Variants in ADAMTS13 observed in about 807,000 individuals in gnomAD.
ADAMTS13 encodes ADAM metallopeptidase with thrombospondin type 1 motif 13.
Under a neutral mutation model 155.1 loss-of-function variants are expected in ADAMTS13, and 110 were observed. That is an observed-to-expected ratio of 0.71 (90% CI 0.61 to 0.83). The LOEUF (loss-of-function observed/expected upper bound fraction) is 0.83. Among genes scored for constraint, ADAMTS13 ranks in the 40% least tolerant of loss-of-function variants. The pLI is 0.00. For synonymous variants in ADAMTS13, 758 were observed against 756.4 expected (o/e 1.00, Z -0.03); for missense variants, 1,707 against 1,891.7 (o/e 0.90, Z 1.81).
chr9:133,429,965 A>G lies in ADAMTS13; in HGVS notation c.851A>G (p.Asp284Gly), dbSNP rs995701451. 12 of 1,539,328 alleles carry G rather than the reference A, an allele frequency of 7.8e-6. No homozygotes were observed. The highest frequency in any genetic ancestry group is 1.2e-5 in the South Asian group (1 of 84,856). ...GCAGGACGGGCGCGCTGCGTGTGGG[A>G]CCCGCCGCGGCCTCAACCCGGGTCC... ...LSAGRARCVWDPPRPQPGSAG... is the reference protein window; with the variant it reads ...LSAGRARCVWGPPRPQPGSAG... Residue 284 changes from aspartate (D) to glycine (G), a missense_variant, in exon 8 of 29, where the codon GAC (aspartate) becomes GGC (glycine). Physicochemically the swap from Asp to Gly is moderately conservative, Grantham distance 94 (BLOSUM62 -1). This residue lies in a region of ADAMTS13 where 733 missense variants were observed against 749.6 expected (regional missense o/e 0.98). Coordinates refer to ENST00000355699, the MANE Select transcript of ADAMTS13 (RefSeq NM_139027.6).
chr9:133,437,942 C>T, intron 13 of ADAMTS13, 45 bp downstream of exon 13: 1 of 1,611,434 alleles, frequency 6.2e-7, no homozygotes, highest in Non-Finnish European at 8.5e-7. Context: ...GCCTACCTGT[C>T]CTATCGGAAG....
chr9:133,448,669 C>T lies in ADAMTS13; in HGVS notation c.2802C>T (p.Gly934=), dbSNP rs939829217. The change falls in exon 22 of 29, where the codon GGC becomes GGT. Residue 934 remains glycine, a synonymous_variant. Transcript: ENST00000355699. ...TGCCTGTCCAGGAAGAGCTGTGTGG[C>T]CTGGCAAGCAAGCCTGGGAGCCGGC... is the stretch of plus-strand genomic sequence containing the variant. ...LRVPVQEELC[G]LASKPGSRRE... The T allele has an allele frequency of 3.7e-6, 6 of 1,607,878 alleles. No individual in the cohort carries two copies. Among genetic ancestry groups the T allele is most frequent in the African/African-American group, 1.3e-5 (1 of 74,906 alleles).
At position 133,439,416 on chromosome 9, in the gene ADAMTS13, G is replaced by A; in HGVS notation, c.1756G>A (p.Ala586Thr). 1.2e-6 allele frequency: 2 copies of A among 1,614,050 alleles called. No individual in the cohort carries two copies. Among genetic ancestry groups the A allele is most frequent in the Non-Finnish European group, 1.7e-6 (2 of 1,179,932 alleles). ...VTPNLTSVYI[A>T]NHRPLFTHLA... ...CCCCAACCTGACCAGTGTCTACATT[G>A]CCAACCACAGGCCTCTCTTCACACA... Residue 586 changes from alanine to threonine, a missense_variant, in exon 15 of 29, where the codon GCC becomes ACC. Physicochemically the swap from Ala to Thr is moderately conservative, Grantham distance 58 (BLOSUM62 0). This residue lies in a region of ADAMTS13 where 961 missense variants were observed against 1,107.9 expected (regional missense o/e 0.87). Coordinates refer to ENST00000355699, the MANE Select transcript of ADAMTS13 (RefSeq NM_139027.6).
At chr9:133,429,722 C>A in intron 7 of ADAMTS13, 2 of 719,958 alleles carry the variant, frequency 2.8e-6, no homozygotes, top group Non-Finnish European at 5.0e-6. Context: ...GTCGCCGCTC[C>A]CTCTGCTGGC....
At chr9:133,455,747 C>T in intron 25 of ADAMTS13, 6 of 1,169,266 alleles carry the variant, frequency 5.1e-6, no homozygotes, top group Admixed American at 2.0e-5. Flanking sequence ...CCTCTTTCTC[C>T]CTGGCAAAGC....
Position 133,425,482 on chromosome 9 carries a change from G to A in ADAMTS13, c.331-47G>A. ...TGGGAGTCAGCAGCTGCCTGGGGCT[G>A]GCAATGCCCACCCGACGGGTTACCT... On this transcript the variant is annotated intron_variant, in intron 3 of 28. Coordinates refer to ENST00000355699, the MANE Select transcript of ADAMTS13 (RefSeq NM_139027.6). The surrounding 1 kb of genome is among the most constrained non-coding windows in gnomAD (Gnocchi z 4.6). The A allele has an allele frequency of 6.4e-7, 1 of 1,563,244 alleles. No individual in the cohort carries two copies. Among genetic ancestry groups the A allele is most frequent in the South Asian group, 1.2e-5 (1 of 86,600 alleles).
At chr9:133,418,576 T>C (rs1554782284), upstream of ADAMTS13, among the ~76,000 whole-genome samples, 1 of 152,218 alleles carries the variant, frequency 6.6e-6, no homozygotes, top group Admixed American at 6.5e-5. Flanking sequence ...CCGAGCTCTC[T>C]GAGTGAGCAA....
intron 8 of ADAMTS13, among the ~76,000 whole-genome samples, chr9:133,430,686 T>C (rs1049159758): frequency 1.4e-5 from 2 of 141,186 alleles, no homozygotes; most frequent in East Asian, 4.0e-4. Context: ...ACAAGTCTTT[T>C]TTTTTCCTAT....
At chr9:133,417,605 C>T (rs1279536981), upstream of ADAMTS13, 2 of 1,611,298 alleles carry the variant, frequency 1.2e-6, no homozygotes, top group Admixed American at 1.7e-5. Flanking sequence ...CCGCCCGGGC[C>T]CCCTCAAGCC....
At chr9:133,417,914 C>G (rs1839772778), upstream of ADAMTS13, 1 of 1,458,962 alleles carries the variant, frequency 6.9e-7, no homozygotes, top group Non-Finnish European at 9.2e-7. Context: ...GGCGCCCTGG[C>G]AGCACAAGCG....
At chr9:133,438,631 T>C (rs935657723) in intron 14 of ADAMTS13, among the ~76,000 whole-genome samples, 1 of 152,002 alleles carries the variant, frequency 6.6e-6, no homozygotes, top group Non-Finnish European at 1.5e-5. Context: ...AACACAGACA[T>C]TGGCCGGGCG....
At chr9:133,429,520 C>T (rs932585357) in intron 7 of ADAMTS13, among the ~76,000 whole-genome samples, 1 of 118,208 alleles carries the variant, frequency 8.5e-6, no homozygotes. Context: ...GCACCCACCC[C>T]CTCACTTCAC....
At chr9:133,454,886 G>T (rs1842647184) in intron 24 of ADAMTS13, among the ~76,000 whole-genome samples, 1 of 152,178 alleles carries the variant, frequency 6.6e-6, no homozygotes, top group African/African-American at 2.4e-5. Flanking sequence ...ATGAGGGAAT[G>T]CCAGCTGTGC....
chr9:133,435,496 GA>G (rs1196048618), intron 11 of ADAMTS13, among the ~76,000 whole-genome samples: 2 of 128,306 alleles, frequency 1.6e-5, no homozygotes. Context: ...GCCTATGTTT[GA>G]CTTTTTTTTT....
chr9:133,417,688 G>A (rs1554781962), upstream of ADAMTS13: 1 of 1,614,092 alleles, frequency 6.2e-7, no homozygotes, highest in South Asian at 1.1e-5. Flanking sequence ...ACAGCACCGG[G>A]GCCGCTTGCT....
rs1464352675 is a variant in ADAMTS13, at chr9:133,456,564, G to T, written c.3569G>T (p.Gly1190Val). The T allele has an allele frequency of 1.2e-6, 2 of 1,613,404 alleles. No individual in the cohort carries two copies. Among genetic ancestry groups the T allele is most frequent in the Non-Finnish European group, 1.7e-6 (2 of 1,179,970 alleles). ...CSAGDMLLLW[G>V]RLTWRKMCRK... is the part of the protein sequence containing the mutation. ...CTAGGGGACATGTTGCTGCTTTGGG[G>T]CCGGCTCACCTGGAGGAAGATGTGC... The change falls in exon 27 of 29, where the codon GGC (glycine) becomes GTC (valine). Residue 1190 changes from glycine (G) to valine (V), a missense_variant. By Grantham distance (109) the Gly-to-Val change is moderately radical (BLOSUM62 -3). This residue lies in a region of ADAMTS13 where 961 missense variants were observed against 1,107.9 expected (regional missense o/e 0.87). Coordinates refer to ENST00000355699, the MANE Select transcript of ADAMTS13 (RefSeq NM_139027.6). The surrounding 1 kb of genome is among the most constrained non-coding windows in gnomAD (Gnocchi z 4.4).
At chr9:133,439,227 C>T in intron 14 of ADAMTS13, 139 bp from the exon 15 acceptor site, 1 of 739,156 alleles carries the variant, frequency 1.4e-6, no homozygotes, top group South Asian at 1.4e-5. Context: ...TAATTGCCCC[C>T]ATGACAGGGG....
intron 21 of ADAMTS13, among the ~76,000 whole-genome samples, chr9:133,447,894 C>T (rs1178618645): frequency 1.3e-5 from 2 of 152,142 alleles, no homozygotes; most frequent in Non-Finnish European, 2.9e-5. Context: ...GAGCCTATTT[C>T]TTTTGAGGAT....
rs983753493 is a variant in ADAMTS13, at chr9:133,424,965, C to T, written c.330+487C>T. On this transcript the variant is annotated intron_variant, in intron 3 of 28. Coordinates refer to ENST00000355699, the MANE Select transcript of ADAMTS13 (RefSeq NM_139027.6). This position sits in a 1 kb window ranked among gnomAD's most constrained non-coding sequence, Gnocchi z 4.3. ...TTGCTAGCACCTGAATCCCTGCAGC[C>T]CCCCTTCACTTGAAAGCTGGGGAAG... Among the ~76,000 whole-genome samples the T allele has an allele frequency of 3.3e-5, 5 of 152,206 alleles. No homozygotes were observed. The highest frequency in any genetic ancestry group is 6.5e-5 in the Admixed American group (1 of 15,276).
Sources: gnomAD v4.1 joint callset for allele counts (sites outside exome capture counted in the v4.1 genomes callset) on GRCh38, gnomAD v4.1.1 for gene constraint, gnomAD v4.1.1 regional missense constraint, Gnocchi (gnomAD v3.1) non-coding constraint, MANE v1.5 for transcripts, NCBI Gene and HGNC (gene_info 2026-07-23, HGNC 2026-07-21) for gene names.